Variants in ANKS3 observed in about 807,000 individuals in gnomAD.
ANKS3 encodes ankyrin repeat and sterile alpha motif domain containing 3, also known as ankyrin repeat and SAM domain-containing protein 3.
In ANKS3, 62 loss-of-function variants were observed where a neutral mutation model predicts 80.7. The observed-to-expected ratio is 0.77, with a 90% confidence interval of 0.63 to 0.95. The LOEUF (loss-of-function observed/expected upper bound fraction) is 0.95. ANKS3 is among the 40% of genes least tolerant of loss of function. ANKS3 has a pLI of 0.00. For missense variants in ANKS3, 1,150 were observed against 883.6 expected (o/e 1.30, Z -3.82); for synonymous variants, 489 against 355.3 (o/e 1.38, Z -4.23).
intron 11 of ANKS3, chr16:4,700,026 G>A (rs1020439786): frequency 6.6e-6 from 1 of 152,486 alleles, no homozygotes; most frequent in Non-Finnish European, 1.5e-5. Context: ...CGAGACGTGT[G>A]CCTGCTCACT....
At chr16:4,718,793 T>C (rs1193853076) in intron 6 of ANKS3, among the ~76,000 whole-genome samples, 1 of 152,316 alleles carries the variant, frequency 6.6e-6, no homozygotes, top group African/African-American at 2.4e-5. Context: ...TCTTGTCAAG[T>C]GCTGGAGGAA....
At chr16:4,700,906 T>C (rs2079863146) in intron 11 of ANKS3, 64 bp downstream of exon 11, 9 of 1,592,986 alleles carry the variant, frequency 5.6e-6, no homozygotes, top group African/African-American at 1.3e-5. Flanking sequence ...ACACAACACA[T>C]GCCTCCTAAG....
At position 4,734,048 on chromosome 16, in the gene ANKS3, G is replaced by A. The variant is rs565940317; in HGVS notation, c.-181C>T. 1.0e-4 allele frequency: 100 copies of A among 982,126 alleles called. No individual in the cohort carries two copies. In the East Asian group the frequency reaches 4.7e-3, roughly 46 times the overall value. 60.8% of individuals were successfully genotyped at this position (982,126 alleles called of 1,614,324 possible). ...CACATAAAGAAAATGTGGGGGCTCGGTCCTCCAGTCACGCGGCGAGCAAGT... is the reference window on the plus strand; with the variant it reads ...CACATAAAGAAAATGTGGGGGCTCGATCCTCCAGTCACGCGGCGAGCAAGT... On this transcript the variant is annotated 5_prime_UTR_variant, in exon 1 of 18. Coordinates refer to ENST00000304283, the MANE Select transcript of ANKS3 (RefSeq NM_133450.4).
chr16:4,722,682 C>T (rs2081164605), intron 6 of ANKS3, among the ~76,000 whole-genome samples: 1 of 151,572 alleles, frequency 6.6e-6, no homozygotes, highest in Non-Finnish European at 1.5e-5. Flanking sequence ...CTTTGGGAGG[C>T]TAAGGTGGGT....
intron 1 of ANKS3, among the ~76,000 whole-genome samples, chr16:4,732,137 G>A (rs534173819): frequency 1.3e-3 from 192 of 146,198 alleles, no homozygotes; most frequent in African/African-American, 4.4e-3. Context: ...GTGTAGGTGC[G>A]GTGGGGCAAG....
chr16:4,721,955 T>C (rs1182559042), intron 6 of ANKS3, among the ~76,000 whole-genome samples: 2 of 151,168 alleles, frequency 1.3e-5, no homozygotes, highest in African/African-American at 4.8e-5. Context: ...TATACACCAA[T>C]ATAGAAAAAT....
Position 4,699,056 on chromosome 16 carries a change from T to A in ANKS3, c.1405A>T (p.Ile469Phe), listed in dbSNP as rs1242392846. ...LTESDLKEIG[I>F]TLFGPKRKMT... ...GAGCGGCCCTTCTGGACGCACGTGATGCCAATTTCCTTCAGGTCGCTCTCA... is the reference window on the plus strand; with the variant it reads ...GAGCGGCCCTTCTGGACGCACGTGAAGCCAATTTCCTTCAGGTCGCTCTCA... Residue 469 changes from isoleucine (I) to phenylalanine (F), a missense_variant, in exon 12 of 18, where the codon ATC (isoleucine) becomes TTC (phenylalanine). By Grantham distance (21) the Ile-to-Phe change is conservative (BLOSUM62 0). Transcript: ENST00000304283. 3 of 1,614,162 alleles carry A rather than the reference T, an allele frequency of 1.9e-6. No homozygotes were observed. The highest frequency in any genetic ancestry group is 1.3e-5 in the African/African-American group (1 of 75,054).
chr16:4,706,453 T>A (rs1004476571), intron 7 of ANKS3, among the ~76,000 whole-genome samples: 1 of 152,138 alleles, frequency 6.6e-6, no homozygotes, highest in Non-Finnish European at 1.5e-5. Flanking sequence ...GCCAGGCTGG[T>A]CTCGATCTCC....
At position 4,701,507 on chromosome 16, in the gene ANKS3, T is replaced by C; in HGVS notation, c.1046A>G (p.Gln349Arg). The C allele has an allele frequency of 3.7e-6, 6 of 1,611,890 alleles. No homozygotes were observed. The highest frequency in any genetic ancestry group is 4.2e-6 in the Non-Finnish European group (5 of 1,178,880). The change falls in exon 10 of 18, where the codon CAG (glutamine) becomes CGG (arginine). Residue 349 changes from glutamine (Q) to arginine (R), a missense_variant. By Grantham distance (43) the Gln-to-Arg change is conservative (BLOSUM62 1). Coordinates refer to ENST00000304283, the MANE Select transcript of ANKS3 (RefSeq NM_133450.4). ...CAGGCCCTCGCTGCTGCTGCTGCTC[T>C]GGACGGGCCCCAGGTTGGCACAGAA... Reference protein sequence around the residue: ...HAFCANLGPVQSSSSSEGLAR... With the variant: ...HAFCANLGPVRSSSSSEGLAR...
intron 1 of ANKS3, among the ~76,000 whole-genome samples, chr16:4,733,202 CA>C (rs56944690): frequency 0.031 from 2,166 of 70,238 alleles, 7 homozygotes; most frequent in African/African-American, 0.086. Context: ...GACTCCGTCT[CA>C]AAAAAAAAAA....
At chr16:4,708,407 C>T (rs993729088) in intron 7 of ANKS3, among the ~76,000 whole-genome samples, 10 of 152,082 alleles carry the variant, frequency 6.6e-5, no homozygotes, top group African/African-American at 2.2e-4. Context: ...CCCCAGAATA[C>T]ACTTAAAGCA....
chr16:4,714,589 A>C (rs554529233), intron 6 of ANKS3, among the ~76,000 whole-genome samples: 2 of 152,344 alleles, frequency 1.3e-5, no homozygotes, highest in South Asian at 2.1e-4. Flanking sequence ...AGAATTCGTA[A>C]CTTTGATCCA....
At position 4,715,603 on chromosome 16, in the gene ANKS3, T is replaced by A. The variant is rs887242129; in HGVS notation, c.574-1417A>T. On this transcript the variant is annotated intron_variant, in intron 6 of 17. Coordinates refer to ENST00000304283, the MANE Select transcript of ANKS3 (RefSeq NM_133450.4). ...AGAGCGAGACCTTGTCTCAAAAAAATAAAAAAGGATCATGATACAAAACTA... is the reference window on the plus strand; with the variant it reads ...AGAGCGAGACCTTGTCTCAAAAAAAAAAAAAAGGATCATGATACAAAACTA... Among the ~76,000 whole-genome samples the A allele has an allele frequency of 4.4e-4, 67 of 151,776 alleles. 1 individual carries two copies. Among genetic ancestry groups the A allele is most frequent in the Admixed American group, 1.1e-3 (17 of 15,240 alleles).
At position 4,707,928 on chromosome 16, in the gene ANKS3, T is replaced by C. The variant is rs370165286; in HGVS notation, c.710-2675A>G. On this transcript the variant is annotated intron_variant, in intron 7 of 17. Coordinates refer to ENST00000304283, the MANE Select transcript of ANKS3 (RefSeq NM_133450.4). The stretch of plus-strand genomic sequence containing the variant: ...GACTTCAAGACCAACCTGGCCAACA[T>C]GGTGAAACCCTGTCCCTACTAAAAA... Among the ~76,000 whole-genome samples the C allele has an allele frequency of 4.9e-3, 752 of 152,062 alleles. 5 individuals are homozygous for C. Among genetic ancestry groups the C allele is most frequent in the African/African-American group, 0.017 (708 of 41,452 alleles).
intron 6 of ANKS3, among the ~76,000 whole-genome samples, chr16:4,723,742 G>A (rs1037094430): frequency 6.6e-6 from 1 of 152,170 alleles, no homozygotes; most frequent in African/African-American, 2.4e-5. Flanking sequence ...TGGCAATTAT[G>A]AATAATACTG....
In ANKS3 at chr16:4,701,009, G is replaced by A. The variant is rs140370704; in HGVS notation, c.1245C>T (p.Ser415=). The A allele has an allele frequency of 2.9e-4, 462 of 1,614,060 alleles. No individual in the cohort carries two copies. Among genetic ancestry groups the A allele is most frequent in the Non-Finnish European group, 3.7e-4 (442 of 1,179,998 alleles). The change falls in exon 11 of 18, where the codon TCC becomes TCT. Residue 415 remains serine (S), a synonymous_variant. Transcript: ENST00000304283. ...AGGGGGCCCTCTGAGTCTGGGGGCTGGACTCAGCGAGAAAGCCTTCCCTGT... is the reference window on the plus strand; with the variant it reads ...AGGGGGCCCTCTGAGTCTGGGGGCTAGACTCAGCGAGAAAGCCTTCCCTGT... ...ATDREGFLAE[S]SPQTQRAPYS...
intron 9 of ANKS3, 72 bp from the exon 10 acceptor site, chr16:4,701,615 G>C: frequency 7.3e-7 from 1 of 1,367,702 alleles, no homozygotes; most frequent in Non-Finnish European, 9.9e-7. Flanking sequence ...GCCCCGGGCT[G>C]AGCCGCCTCC....
At chr16:4,723,975 G>T (rs372509058) in intron 6 of ANKS3, among the ~76,000 whole-genome samples, 5 of 152,104 alleles carry the variant, frequency 3.3e-5, no homozygotes, top group Admixed American at 6.6e-5. Flanking sequence ...CAGGAGGATC[G>T]CTTGAGCCCA....
In ANKS3 at chr16:4,705,180, C is replaced by T. The variant is rs930259958; in HGVS notation, c.783G>A (p.Lys261=). The change falls in exon 8 of 18, where the codon AAG becomes AAA. Residue 261 remains lysine (K), a synonymous_variant. Transcript: ENST00000304283. ...GCGGTCCCTCGTGGATGCTGACACC[C>T]TTCTTCCGGCAAGGCCTCTGTCTCT... ...APQRQRPCRK[K]GVSIHEGPRA... 2.5e-6 allele frequency: 4 copies of T among 1,613,948 alleles called. No homozygotes were observed. Among genetic ancestry groups the T allele is most frequent in the East Asian group, 4.5e-5 (2 of 44,890 alleles).
Sources: gnomAD v4.1 joint callset for allele counts (sites outside exome capture counted in the v4.1 genomes callset) on GRCh38, gnomAD v4.1.1 for gene constraint, MANE v1.5 for transcripts, NCBI Gene and HGNC (gene_info 2026-07-23, HGNC 2026-07-21) for gene names.